The following CDK8 variants were observed in gnomAD, a reference collection of about 807,000 sequenced individuals.
The protein encoded by CDK8 is cyclin dependent kinase 8.
In CDK8, 29 loss-of-function variants were observed where a neutral mutation model predicts 71.5. The observed-to-expected ratio is 0.41, with a 90% confidence interval of 0.30 to 0.55. The LOEUF (loss-of-function observed/expected upper bound fraction) is 0.55, where lower values mean the gene tolerates loss of function less well. Ranked by LOEUF, CDK8 falls within the 20% of genes least tolerant of loss-of-function variation. The pLI is 0.37. For missense variants in CDK8, 288 were observed against 572.6 expected (o/e 0.50, Z 5.07); for synonymous variants, 161 against 192.1 (o/e 0.84, Z 1.34).
At chr13:26,391,814 G>C (rs1295535071) in intron 6 of CDK8, among the ~76,000 whole-genome samples, 2 of 152,210 alleles carry the variant, frequency 1.3e-5, no homozygotes, top group South Asian at 4.1e-4. Context: ...ACTTGCTGCA[G>C]TCAGTGTGAA....
intron 8 of CDK8, 94 bp downstream of exon 8, chr13:26,396,448 TA>T (rs1345760943): frequency 2.4e-6 from 1 of 422,068 alleles, no homozygotes; most frequent in East Asian, 3.7e-5. Flanking sequence ...ATACTCAATA[TA>T]AGATTACTCT....
chr13:26,378,351 GA>G (rs1490002286), intron 4 of CDK8, among the ~76,000 whole-genome samples: 2 of 152,140 alleles, frequency 1.3e-5, no homozygotes, highest in Non-Finnish European at 2.9e-5. Flanking sequence ...CTGGAGAACA[GA>G]AAGCTTCTGC....
chr13:26,255,725 A>G (rs1334531789), intron 1 of CDK8, among the ~76,000 whole-genome samples: 1 of 152,232 alleles, frequency 6.6e-6, no homozygotes, highest in Non-Finnish European at 1.5e-5. Flanking sequence ...AAAATTATTG[A>G]AAAGTCAAAG....
intron 1 of CDK8, among the ~76,000 whole-genome samples, chr13:26,294,519 T>C (rs1475197833): frequency 5.3e-5 from 8 of 152,226 alleles, no homozygotes; most frequent in Admixed American, 5.2e-4. Flanking sequence ...ATGGCTGTGC[T>C]AATTTCTATT....
chr13:26,382,620 C>A (rs1038825541), intron 4 of CDK8, among the ~76,000 whole-genome samples, 194 bp from the exon 5 acceptor site: 2 of 152,200 alleles, frequency 1.3e-5, no homozygotes, highest in East Asian at 3.8e-4. Flanking sequence ...ACTGCCATAT[C>A]TGGGCCTTCA....
intron 2 of CDK8, among the ~76,000 whole-genome samples, chr13:26,338,800 A>G (rs1873100529): frequency 6.6e-6 from 1 of 152,150 alleles, no homozygotes; most frequent in Admixed American, 6.5e-5. Context: ...CAGTGGTGTT[A>G]GAAGTCAGGA....
intron 1 of CDK8, among the ~76,000 whole-genome samples, chr13:26,283,067 C>T (rs1872830446): frequency 6.6e-6 from 1 of 152,140 alleles, no homozygotes; most frequent in Non-Finnish European, 1.5e-5. Context: ...ACAATTACTA[C>T]TAGACTTAAG....
intron 1 of CDK8, among the ~76,000 whole-genome samples, chr13:26,276,481 C>A (rs1374068412): frequency 2.6e-5 from 4 of 152,142 alleles, no homozygotes; most frequent in African/African-American, 7.2e-5. Flanking sequence ...CCACAGAGAT[C>A]TTTTTGTAAC....
At chr13:26,319,970 A>G (rs978059681) in intron 1 of CDK8, among the ~76,000 whole-genome samples, 2 of 152,178 alleles carry the variant, frequency 1.3e-5, no homozygotes, top group Non-Finnish European at 2.9e-5. Flanking sequence ...TTTAATGGGG[A>G]AAGGACAGCC....
intron 1 of CDK8, among the ~76,000 whole-genome samples, chr13:26,291,288 G>C (rs1184473106): frequency 6.6e-6 from 1 of 152,148 alleles, no homozygotes; most frequent in Non-Finnish European, 1.5e-5. Flanking sequence ...AGTACACTCT[G>C]TGATGTTTGC....
At chr13:26,392,859 C>G (rs1565997678) in intron 6 of CDK8, among the ~76,000 whole-genome samples, 2 of 152,016 alleles carry the variant, frequency 1.3e-5, no homozygotes, top group Non-Finnish European at 2.9e-5. Flanking sequence ...ATTATTAGAC[C>G]TTGCAAATTA....
intron 1 of CDK8, among the ~76,000 whole-genome samples, chr13:26,263,424 G>C (rs1021188500): frequency 2.6e-5 from 4 of 151,850 alleles, no homozygotes; most frequent in Non-Finnish European, 5.9e-5. Flanking sequence ...GTGAGCCACC[G>C]CGCCCGGCCG....
At chr13:26,271,529 G>T in intron 1 of CDK8, among the ~76,000 whole-genome samples, 1 of 152,020 alleles carries the variant, frequency 6.6e-6, no homozygotes, top group East Asian at 1.9e-4. Flanking sequence ...AAATGAGCTG[G>T]GTACAGTGAC....
chr13:26,268,922 C>T (rs2137866655), intron 1 of CDK8, among the ~76,000 whole-genome samples: 1 of 152,278 alleles, frequency 6.6e-6, no homozygotes, highest in East Asian at 1.9e-4. Flanking sequence ...TCATTTCCTA[C>T]CCAGCACTGA....
At chr13:26,306,343 G>A (rs376700338) in intron 1 of CDK8, among the ~76,000 whole-genome samples, 7 of 152,066 alleles carry the variant, frequency 4.6e-5, no homozygotes, top group African/African-American at 1.4e-4. Context: ...AGTCTCTTTT[G>A]TGGGAATGAA....
chr13:26,256,969 C>G (rs563248498), intron 1 of CDK8, among the ~76,000 whole-genome samples: 1 of 152,206 alleles, frequency 6.6e-6, no homozygotes, highest in East Asian at 1.9e-4. Context: ...TAACCTCACT[C>G]TGGTAAAGTA....
intron 3 of CDK8, among the ~76,000 whole-genome samples, chr13:26,351,524 A>T (rs1162756853): frequency 1.3e-5 from 2 of 152,182 alleles, no homozygotes; most frequent in East Asian, 3.8e-4. Flanking sequence ...TATAAACAAG[A>T]TTTGTGATAA....
At chr13:26,274,947 C>T (rs1445788263) in intron 1 of CDK8, among the ~76,000 whole-genome samples, 1 of 152,130 alleles carries the variant, frequency 6.6e-6, no homozygotes, top group African/African-American at 2.4e-5. Flanking sequence ...TTCAAAATTA[C>T]AGTTAAAATT....
chr13:26,383,892 C>T (rs1200558063), intron 5 of CDK8, among the ~76,000 whole-genome samples: 1 of 152,214 alleles, frequency 6.6e-6, no homozygotes, highest in Admixed American at 6.5e-5. Flanking sequence ...CCTGTCGGCA[C>T]TCACCCTAGT....
Sources: gnomAD v4.1 joint callset for allele counts (sites outside exome capture counted in the v4.1 genomes callset) on GRCh38, gnomAD v4.1.1 for gene constraint, MANE v1.5 for transcripts, NCBI Gene and HGNC (gene_info 2026-07-23, HGNC 2026-07-21) for gene names.